The following CHST9 variants were observed in gnomAD, a reference collection of about 807,000 sequenced individuals.
The protein encoded by CHST9 is GalNAc-4-sulfotransferase 2.
A neutral mutation model predicts 44.4 loss-of-function variants in CHST9; 41 were observed. The ratio of observed to expected loss-of-function variants is 0.92; its 90% CI spans 0.72 to 1.20. The LOEUF (loss-of-function observed/expected upper bound fraction) is 1.20, where lower values mean the gene tolerates loss of function less well. CHST9 is among the 50% of genes most tolerant of loss of function. The probability of loss-of-function intolerance (pLI) is 0.00; values close to 1 mark genes in which losing one functional copy is unlikely to be tolerated. For missense variants in CHST9, 504 were observed against 516.5 expected (o/e 0.98, Z 0.23); for synonymous variants, 171 against 178.4 (o/e 0.96, Z 0.33).
At chr18:27,091,043 G>A (rs2058063563) in intron 2 of CHST9, among the ~76,000 whole-genome samples, 1 of 152,104 alleles carries the variant, frequency 6.6e-6, no homozygotes, top group African/African-American at 2.4e-5. Context: ...GGGCAGTGTG[G>A]CCATTTTCAT....
intron 4 of CHST9, among the ~76,000 whole-genome samples, chr18:26,983,591 T>G (rs2056719547): frequency 6.6e-6 from 1 of 152,176 alleles, no homozygotes; most frequent in South Asian, 2.1e-4. Flanking sequence ...CGATTAAATC[T>G]CTTTTGTTTA....
At chr18:27,157,400 C>G (rs1391152190) in intron 1 of CHST9, among the ~76,000 whole-genome samples, 1 of 152,076 alleles carries the variant, frequency 6.6e-6, no homozygotes, top group Non-Finnish European at 1.5e-5. Flanking sequence ...GAACTCATTG[C>G]TAGCTTCAAG....
At position 27,040,331 on chromosome 18, in the gene CHST9, G is replaced by T. The variant is rs756393492; in HGVS notation, c.160+8134C>A. Reference sequence around the variant, plus strand: ...AATGGAAGCCAAGATACTGGATCACGTCTAAGAAAATTTAAATATGCTAGC... The same window carrying T: ...AATGGAAGCCAAGATACTGGATCACTTCTAAGAAAATTTAAATATGCTAGC... On this transcript the variant is annotated intron_variant, in intron 3 of 5. Transcript: ENST00000618847. Among the ~76,000 whole-genome samples, 10 of 152,238 alleles carry T rather than the reference G, an allele frequency of 6.6e-5. No individual in the cohort carries two copies. In the East Asian group the frequency reaches 9.7e-4, roughly 15 times the overall value.
chr18:26,990,683 C>T (rs17624102), intron 4 of CHST9, among the ~76,000 whole-genome samples: 3,995 of 152,270 alleles, frequency 0.026, 92 homozygotes, highest in Non-Finnish European at 0.039. Flanking sequence ...GTGCCTCATT[C>T]CTTTGTGTCT....
chr18:27,072,120 G>C (rs2057847685), intron 2 of CHST9, among the ~76,000 whole-genome samples: 1 of 152,184 alleles, frequency 6.6e-6, no homozygotes, highest in South Asian at 2.1e-4. Flanking sequence ...GAGAGGCTGT[G>C]ACTGTTTGTA....
rs766000976 is a variant in CHST9 at position 27,045,675 on chromosome 18, C to T, written c.160+2790G>A. Among the ~76,000 whole-genome samples, 4 of 151,974 alleles carry T rather than the reference C, an allele frequency of 2.6e-5. No homozygotes were observed. In the South Asian group the frequency reaches 6.2e-4, roughly 24 times the overall value. ...CCATATTCTATGACTATGACATAGA[C>T]TTTCAAGCTTAGTGTCAAGGAGGAT... On this transcript the variant is annotated intron_variant, in intron 3 of 5. Coordinates refer to ENST00000618847, the MANE Select transcript of CHST9 (RefSeq NM_031422.6).
chr18:27,072,523 G>A (rs536222538), intron 2 of CHST9, among the ~76,000 whole-genome samples: 9 of 152,186 alleles, frequency 5.9e-5, no homozygotes, highest in South Asian at 2.1e-4. Context: ...GCCAGAGGTC[G>A]AAGTTGTAGG....
chr18:27,128,377 C>T (rs2058443261), intron 2 of CHST9, among the ~76,000 whole-genome samples: 1 of 152,206 alleles, frequency 6.6e-6, no homozygotes, highest in South Asian at 2.1e-4. Flanking sequence ...TCAAGCAATG[C>T]TCCTGCCTCA....
At chr18:27,150,449 C>T (rs1417964418) in intron 1 of CHST9, among the ~76,000 whole-genome samples, 1 of 152,160 alleles carries the variant, frequency 6.6e-6, no homozygotes, top group African/African-American at 2.4e-5. Flanking sequence ...AGTCCCTGTC[C>T]TTGTCTTCAA....
chr18:26,995,743 A>C (rs1283751387), intron 4 of CHST9, among the ~76,000 whole-genome samples: 5 of 152,192 alleles, frequency 3.3e-5, no homozygotes, highest in African/African-American at 9.6e-5. Context: ...TGAGATGAAA[A>C]ACCTAGGATG....
Position 26,914,986 on chromosome 18 carries a change from C to T in CHST9, c.*1273G>A, listed in dbSNP as rs1164603337. ...TCCAAAATGATCCCTTTTTTTTTCC[C>T]CAAGGGATCTAATTTAGGATCCCTT... On this transcript the variant is annotated 3_prime_UTR_variant, in exon 6 of 6. Coordinates refer to ENST00000618847, the MANE Select transcript of CHST9 (RefSeq NM_031422.6). The T allele has an allele frequency of 2.5e-6, 1 of 397,416 alleles. No individual in the cohort carries two copies. The highest frequency in any genetic ancestry group is 4.4e-6 in the Non-Finnish European group (1 of 225,528). The allele number at this position is 397,416 out of a possible 1,614,324, so 24.6% of individuals were successfully genotyped here. A position where few individuals can be genotyped will look rare whatever the true frequency, so the allele number is the denominator to read the frequency against.
intron 3 of CHST9, among the ~76,000 whole-genome samples, chr18:27,042,711 A>C (rs551992508): frequency 1.3e-5 from 2 of 152,088 alleles, no homozygotes; most frequent in Non-Finnish European, 2.9e-5. Context: ...GCCTGAAAAT[A>C]GTGGTTCAAT....
chr18:27,003,262 C>T (rs756580194), intron 4 of CHST9, among the ~76,000 whole-genome samples: 1 of 152,010 alleles, frequency 6.6e-6, no homozygotes, highest in Non-Finnish European at 1.5e-5. Context: ...GATGTGTAGA[C>T]TTTCCCATGA....
rs147079834 is a variant in CHST9, at chr18:27,131,564, A to G, written c.121+11125T>C. Among the ~76,000 whole-genome samples the G allele has an allele frequency of 4.6e-5, 7 of 152,278 alleles. No homozygotes were observed. In the East Asian group the frequency reaches 9.7e-4, roughly 21 times the overall value. On this transcript the variant is annotated intron_variant, in intron 2 of 5. Transcript: ENST00000618847. ...AAAACTCCGTATCAAAAAACAAAAC[A>G]GAACAAAAAAACAAAAACTGAGTTC...
rs1301126972 is a variant in CHST9, at chr18:27,074,811, T to C, written c.122-26308A>G. Among the ~76,000 whole-genome samples the C allele has an allele frequency of 3.4e-5, 5 of 147,958 alleles. No homozygotes were observed. The East Asian group carries it at 9.7e-4, about 29-fold the overall frequency. On this transcript the variant is annotated intron_variant, in intron 2 of 5. Transcript: ENST00000618847. ...CTTAATAAAAATAAATAATATTAAC[T>C]TATATATAATTATAAAATATACATT...
At chr18:27,045,863 T>C (rs2057493683) in intron 3 of CHST9, among the ~76,000 whole-genome samples, 1 of 152,074 alleles carries the variant, frequency 6.6e-6, no homozygotes, top group Admixed American at 6.6e-5. Flanking sequence ...CTAAATAGAC[T>C]ACAGGACAGT....
intron 1 of CHST9, among the ~76,000 whole-genome samples, chr18:27,181,947 G>A (rs761927659): frequency 4.6e-5 from 7 of 152,244 alleles, no homozygotes; most frequent in Non-Finnish European, 8.8e-5. Flanking sequence ...ATGGGTTTTC[G>A]TGTTTGAGGC....
chr18:27,044,259 G>A (rs543902896), intron 3 of CHST9, among the ~76,000 whole-genome samples: 48 of 152,074 alleles, frequency 3.2e-4, no homozygotes, highest in African/African-American at 1.2e-3. Context: ...TGAATTAAGG[G>A]TATTTATCCC....
At chr18:26,917,589 C>T (rs1285446497) in intron 5 of CHST9, among the ~76,000 whole-genome samples, 1 of 152,078 alleles carries the variant, frequency 6.6e-6, no homozygotes, top group African/African-American at 2.4e-5. Context: ...GGATTTTTGT[C>T]CTGGCTTTGC....
Sources: gnomAD v4.1 joint callset for allele counts (sites outside exome capture counted in the v4.1 genomes callset) on GRCh38, gnomAD v4.1.1 for gene constraint, MANE v1.5 for transcripts, NCBI Gene and HGNC (gene_info 2026-07-23, HGNC 2026-07-21) for gene names.